The following TNRC18 variants were observed in gnomAD, a reference collection of about 807,000 sequenced individuals.
The protein encoded by TNRC18 is trinucleotide repeat-containing gene 18 protein.
TNRC18 carries 69 observed loss-of-function variants against 226.7 expected under a neutral mutation model. That is an observed-to-expected ratio of 0.30 (90% CI 0.25 to 0.37). TNRC18 has a LOEUF of 0.37. Among genes scored for constraint, TNRC18 ranks in the 10% least tolerant of loss-of-function variants. TNRC18 has a pLI of 1.00. For synonymous variants in TNRC18, 2,449 were observed against 1,927.6 expected, an observed-to-expected ratio of 1.27 and a Z score of -7.09; for missense variants, 4,754 against 4,256.6, an observed-to-expected ratio of 1.12 and a Z score of -3.25.
rs201447699 is a variant in TNRC18, at chr7:5,324,242, G to A, written c.6414C>T (p.Gly2138=). The A allele has an allele frequency of 1.5e-5, 24 of 1,610,572 alleles. No individual in the cohort carries two copies. In the South Asian group the frequency reaches 1.9e-4, roughly 13 times the overall value. The change falls in exon 21 of 30, where the codon GGC becomes GGT. Residue 2138 remains glycine (G), a synonymous_variant. Coordinates refer to ENST00000430969, the MANE Select transcript of TNRC18 (RefSeq NM_001080495.3). This position sits in a 1 kb window ranked among gnomAD's most constrained non-coding sequence, Gnocchi z 4.8. ...GGGTCAGCGGCCGCTCCACAGCCCC[G>A]CCACGCGGCAGGTGCTCGTCCTCAG... The part of the protein sequence containing the change: ...SFSEDEHLPR[G]GAVERPLTPA...
chr7:5,351,885 G>C lies in TNRC18; in HGVS notation c.5404C>G (p.Leu1802Val). 6 of 1,613,546 alleles carry C rather than the reference G, an allele frequency of 3.7e-6. No individual in the cohort carries two copies. The highest frequency in any genetic ancestry group is 5.1e-6 in the Non-Finnish European group (6 of 1,179,714). ...PATSRKQPFC[L>V]LLREAEARSS... ...CGCGCCTCGGCCTCTCGAAGCAGCA[G>C]ACAAAACGGCTGCTTCCTGCTGGTG... The change falls in exon 17 of 30, where the codon CTG becomes GTG. Residue 1802 changes from leucine (L) to valine (V), a missense_variant. Physicochemically the swap from Leu to Val is conservative, Grantham distance 32. Transcript: ENST00000430969.
At chr7:5,403,036 A>G (rs1781217720) in intron 2 of TNRC18, among the ~76,000 whole-genome samples, 1 of 151,720 alleles carries the variant, frequency 6.6e-6, no homozygotes, top group Non-Finnish European at 1.5e-5. Flanking sequence ...TGAGGCTCTC[A>G]CTCCCAAACC....
Position 5,362,804 on chromosome 7 carries a change from G to T in TNRC18, c.4241C>A (p.Ala1414Glu). The T allele has an allele frequency of 6.4e-7, 1 of 1,561,312 alleles. No individual in the cohort carries two copies. The highest frequency in any genetic ancestry group is 1.7e-4 in the Middle Eastern group (1 of 5,926). Reference protein sequence around the residue: ...EMGGAERALVARPSLESLLAA... With the variant: ...EMGGAERALVERPSLESLLAA... ...CAGCAGACTCTCCAGGGAGGGCCGC[G>T]CCACCAGGGCCCGCTCCGCACCTGT... Residue 1414 changes from alanine (A) to glutamate (E), a missense_variant, in exon 12 of 30, where the codon GCG becomes GAG. By Grantham distance (107) the Ala-to-Glu change is moderately radical. Coordinates refer to ENST00000430969, the MANE Select transcript of TNRC18 (RefSeq NM_001080495.3).
At chr7:5,340,211 T>C (rs1041524451) in intron 18 of TNRC18, among the ~76,000 whole-genome samples, 4 of 152,180 alleles carry the variant, frequency 2.6e-5, no homozygotes, top group African/African-American at 9.7e-5. Flanking sequence ...AAATCTAAAG[T>C]GCTCTGGTGA....
Position 5,420,557 on chromosome 7 carries a change from C to A in TNRC18, c.187+503G>T, listed in dbSNP as rs748680358. On this transcript the variant is annotated intron_variant, in intron 2 of 29. Transcript: ENST00000430969. The stretch of plus-strand genomic sequence containing the variant: ...CCGTACTCCCGCATCCCCCGGCGTA[C>A]TCCCGCATCCCCCGGCGCTCGGTAA... 9.6e-5 allele frequency: 43 copies of A among 447,690 alleles called. 1 individual carries two copies. The highest frequency in any genetic ancestry group is 6.7e-4 in the South Asian group (43 of 64,016). The allele number at this position is 447,690 out of a possible 1,614,324, so 27.7% of individuals were successfully genotyped here.
chr7:5,405,604 A>C (rs997570336), intron 2 of TNRC18, among the ~76,000 whole-genome samples: 2 of 151,832 alleles, frequency 1.3e-5, no homozygotes, highest in African/African-American at 4.8e-5. Context: ...AAAGCCAGAC[A>C]TGGTAGCTTG....
At chr7:5,347,442 C>A (rs1484625272) in intron 17 of TNRC18, among the ~76,000 whole-genome samples, 1 of 151,168 alleles carries the variant, frequency 6.6e-6, no homozygotes, top group Non-Finnish European at 1.5e-5. Flanking sequence ...ATGATCTGCC[C>A]GCCTCAGCCT....
chr7:5,388,410 G>A lies in TNRC18; in HGVS notation c.1414C>T (p.Pro472Ser), dbSNP rs1003438904. 13 of 1,493,768 alleles carry A rather than the reference G, an allele frequency of 8.7e-6. No individual in the cohort carries two copies. In the African/African-American group the frequency reaches 1.6e-4, roughly 18 times the overall value. 92.5% of individuals were successfully genotyped at this position (1,493,768 alleles called of 1,614,324 possible). The stretch of plus-strand genomic sequence containing the variant: ...CGGGGCGCACGCTCGCAGGGCCTCG[G>A]GTCCGCCTCGGGCTTGAGCAGCTCC... ...AKELLKPEAD[P>S]RPCERAPRGP... is the part of the protein sequence containing the mutation. Residue 472 changes from proline to serine, a missense_variant, in exon 5 of 30, where the codon CCG (proline) becomes TCG (serine). Transcript: ENST00000430969.
In TNRC18 at chr7:5,357,005, G is replaced by C; in HGVS notation, c.5105C>G (p.Thr1702Ser). ...REGKHKRAAKTRKMEVGFKAR... is the reference protein window; with the variant it reads ...REGKHKRAAKSRKMEVGFKAR... ...CTTGAACCCCACCTCCATCTTCCTG[G>C]TTTTGGCTGCCCTTTTGTGTTTACC... The change falls in exon 16 of 30, where the codon ACC becomes AGC. Residue 1702 changes from threonine to serine, a missense_variant. Transcript: ENST00000430969. 2 of 1,552,336 alleles carry C rather than the reference G, an allele frequency of 1.3e-6. No individual in the cohort carries two copies. The highest frequency in any genetic ancestry group is 1.2e-5 in the South Asian group (1 of 84,058).
In TNRC18 at chr7:5,377,889, C is replaced by T; in HGVS notation, c.2255+33G>A. On this transcript the variant is annotated intron_variant, in intron 6 of 29. Transcript: ENST00000430969. This position sits in a 1 kb window ranked among gnomAD's most constrained non-coding sequence, Gnocchi z 5.8. ...TCACCCCCAGGGGCTCCTAGATACC[C>T]CCTAGACCCTCAGGATCCCCCGACA... 2 of 1,605,112 alleles carry T rather than the reference C, an allele frequency of 1.2e-6. No individual in the cohort carries two copies. Among genetic ancestry groups the T allele is most frequent in the Non-Finnish European group, 8.5e-7 (1 of 1,172,540 alleles).
rs74496206 is a variant in TNRC18, at chr7:5,387,206, G to C, written c.2152+466C>G. On this transcript the variant is annotated intron_variant, in intron 5 of 29. Coordinates refer to ENST00000430969, the MANE Select transcript of TNRC18 (RefSeq NM_001080495.3). ...AAGTACTGAGTATCAAGACCGTGAGGATGTTGGAACCCCAGTTTCTGTCTG... is the reference window on the plus strand; with the variant it reads ...AAGTACTGAGTATCAAGACCGTGAGCATGTTGGAACCCCAGTTTCTGTCTG... 7.6e-3 allele frequency among the ~76,000 whole-genome samples: 1,153 copies of C among 152,324 alleles called. 78 individuals carry two copies. In the East Asian group the frequency reaches 0.15, roughly 20 times the overall value.
Position 5,309,363 on chromosome 7 carries a change from A to G in TNRC18, c.8394T>C (p.Arg2798=). The change falls in exon 28 of 30, where the codon CGT becomes CGC. Residue 2798 remains arginine (R), a synonymous_variant. Transcript: ENST00000430969. This position sits in a 1 kb window ranked among gnomAD's most constrained non-coding sequence, Gnocchi z 5.7. ...WKWFGKPTQR[R]GMKGKARKLF... ...GCTTGCGGGCCTTGCCCTTCATGCC[A>G]CGCCGCTGCAAGGACACGTGTGTCA... 6.2e-7 allele frequency: 1 copy of G among 1,610,284 alleles called. No homozygotes were observed. Among genetic ancestry groups the G allele is most frequent in the Non-Finnish European group, 8.5e-7 (1 of 1,178,218 alleles).
intron 27 of TNRC18, among the ~76,000 whole-genome samples, chr7:5,310,917 TGTGTGTGCACGTGTTC>T (rs1428148180): frequency 1.3e-4 from 19 of 151,552 alleles, no homozygotes; most frequent in South Asian, 4.1e-4. Context: ...CACGTGTTCA[TGTGTGTGCACGTGTTC>T]GTGTGTGCAC....
intron 2 of TNRC18, among the ~76,000 whole-genome samples, chr7:5,416,098 C>A (rs1359668680): frequency 1.6e-5 from 2 of 126,202 alleles, no homozygotes; most frequent in African/African-American, 3.1e-5. Context: ...GGCGACAGAG[C>A]AAGACTCTCT....
At position 5,335,301 on chromosome 7, in the gene TNRC18, CAAAA is replaced by C. The variant is rs1167746227; in HGVS notation, c.5720-2256_5720-2253del. On this transcript the variant is annotated intron_variant, in intron 18 of 29. Transcript: ENST00000430969. ...TGGGCCACAGAGTGAGAATCTGTCT[CAAAA>C]AAAAAAAAAAAAAAAAAAATTTGGC... Among the ~76,000 whole-genome samples, 29 of 58,534 alleles carry C rather than the reference CAAAA, an allele frequency of 5.0e-4. 1 individual carries two copies. Among genetic ancestry groups the C allele is most frequent in the Non-Finnish European group, 7.2e-4 (24 of 33,174 alleles). The allele number at this position is 58,534 out of a possible 152,430, so 38.4% of individuals were successfully genotyped here.
At chr7:5,320,059 T>G in intron 24 of TNRC18, 1 of 419,840 alleles carries the variant, frequency 2.4e-6, no homozygotes. Flanking sequence ...GTTCTTAAGA[T>G]GGTAAAATAC....
In TNRC18 at chr7:5,378,032, G is replaced by A. The variant is rs770558207; in HGVS notation, c.2153-8C>T. 1.9e-6 allele frequency: 3 copies of A among 1,605,960 alleles called. No homozygotes were observed. The highest frequency in any genetic ancestry group is 2.5e-6 in the Non-Finnish European group (3 of 1,178,208). On this transcript the variant is annotated splice_polypyrimidine_tract_variant and splice_region_variant and intron_variant, in intron 5 of 29. Coordinates refer to ENST00000430969, the MANE Select transcript of TNRC18 (RefSeq NM_001080495.3). ...CATCTGCTCGGCCGTGCCCTGCAGG[G>A]GGCCAGGTGGAAGTGAGCCCCCAGC... is the stretch of plus-strand genomic sequence containing the variant.
At chr7:5,345,945 G>C in intron 17 of TNRC18, 135 bp from the exon 18 acceptor site, 9 of 1,288,218 alleles carry the variant, frequency 7.0e-6, no homozygotes, top group South Asian at 3.1e-5. Context: ...GCTGGGGGTG[G>C]ATGCAGACCC....
rs372424467 is a variant in TNRC18 at position 5,351,308 on chromosome 7, A to G, written c.5470+511T>C. Among the ~76,000 whole-genome samples, 55 of 152,148 alleles carry G rather than the reference A, an allele frequency of 3.6e-4. 1 individual carries two copies. The highest frequency in any genetic ancestry group is 3.2e-3 in the Middle Eastern group (1 of 316). On this transcript the variant is annotated intron_variant, in intron 17 of 29. Transcript: ENST00000430969. ...ACAGGTTTAGTTAAAAATGAACTCG[A>G]TATGTTTAATAAAGCTTGGTATTAC...
Sources: allele counts gnomAD v4.1 joint callset (sites outside exome capture counted in the v4.1 genomes callset), GRCh38; gene constraint gnomAD v4.1.1; non-coding constraint Gnocchi (gnomAD v3.1); transcripts MANE v1.5; gene names NCBI Gene and HGNC (gene_info 2026-07-23, HGNC 2026-07-21).